The following PRUNE2 variants were observed in gnomAD, a reference collection of about 807,000 sequenced individuals.
PRUNE2 encodes the protein protein prune homolog 2.
Under a neutral mutation model 252.0 loss-of-function variants are expected in PRUNE2, and 164 were observed. That is an observed-to-expected ratio of 0.65 (90% CI 0.57 to 0.74). The LOEUF is 0.74. Among genes scored for constraint, PRUNE2 ranks in the 30% least tolerant of loss-of-function variants. The probability of loss-of-function intolerance (pLI) is 0.00; values close to 1 mark genes in which losing one functional copy is unlikely to be tolerated. For missense variants in PRUNE2, 3,495 were observed against 3,711.0 expected (o/e 0.94, Z 1.51); for synonymous variants, 1,292 against 1,350.2 (o/e 0.96, Z 0.94).
In PRUNE2 at chr9:76,622,126, A is replaced by T. The variant is rs1176497108; in HGVS notation, c.9188+2326T>A. ...TTTGAGAACCCACTGCTCAACAGCA[A>T]TGAACTGAATGTTATGCAAATTCAT... On this transcript the variant is annotated intron_variant, in intron 17 of 18. Coordinates refer to ENST00000376718, the MANE Select transcript of PRUNE2 (RefSeq NM_015225.3). 5.3e-5 allele frequency among the ~76,000 whole-genome samples: 8 copies of T among 152,346 alleles called. No individual in the cohort carries two copies. The East Asian group carries it at 1.4e-3, about 26-fold the overall frequency.
chr9:76,696,648 A>T (rs1410433900), intron 9 of PRUNE2, among the ~76,000 whole-genome samples: 1 of 151,678 alleles, frequency 6.6e-6, no homozygotes, highest in Non-Finnish European at 1.5e-5. Flanking sequence ...ATGGTCTCAA[A>T]CTCCTGACCT....
chr9:76,812,229 A>G (rs1032637652), intron 6 of PRUNE2, among the ~76,000 whole-genome samples: 1 of 152,234 alleles, frequency 6.6e-6, no homozygotes, highest in African/African-American at 2.4e-5. Context: ...AGTCCCCAGC[A>G]TGCATGATGA....
chr9:76,788,653 T>C (rs1203983711), intron 6 of PRUNE2: 4 of 605,192 alleles, frequency 6.6e-6, no homozygotes, highest in Non-Finnish European at 8.9e-6. Context: ...TTCATTATCA[T>C]CACTATTCCA....
intron 4 of PRUNE2, among the ~76,000 whole-genome samples, chr9:76,828,140 A>T (rs1380036951): frequency 6.6e-6 from 1 of 152,244 alleles, no homozygotes; most frequent in Non-Finnish European, 1.5e-5. Flanking sequence ...AATCTAGGCC[A>T]AAATCTAGGG....
intron 11 of PRUNE2, among the ~76,000 whole-genome samples, chr9:76,649,601 A>G (rs1366553544): frequency 3.2e-5 from 3 of 94,282 alleles, no homozygotes; most frequent in Admixed American, 1.1e-4. Context: ...ATAGATAGAT[A>G]GATAGATAGA....
intron 6 of PRUNE2, among the ~76,000 whole-genome samples, chr9:76,777,593 G>T (rs1370877079): frequency 6.6e-6 from 1 of 152,146 alleles, no homozygotes; most frequent in Non-Finnish European, 1.5e-5. Context: ...CATTCTTGGG[G>T]ATACAGTATT....
chr9:76,855,433 AT>A (rs145976052), intron 1 of PRUNE2, among the ~76,000 whole-genome samples: 4,744 of 151,738 alleles, frequency 0.031, 239 homozygotes, highest in African/African-American at 0.11. Context: ...GACTATTTTA[AT>A]TAAAAAAAAA....
chr9:76,780,415 C>T (rs772284592), intron 6 of PRUNE2, among the ~76,000 whole-genome samples: 4 of 152,104 alleles, frequency 2.6e-5, no homozygotes, highest in Middle Eastern at 3.2e-3. Context: ...CGGCCAGGCA[C>T]GATGGCTCAC....
chr9:76,831,221 A>G (rs953077113), intron 4 of PRUNE2, among the ~76,000 whole-genome samples: 26 of 152,010 alleles, frequency 1.7e-4, no homozygotes, highest in Admixed American at 2.6e-4. Flanking sequence ...GAGCCACCGC[A>G]CCCAGCCAAC....
At chr9:76,857,391 A>C (rs1488298530) in intron 1 of PRUNE2, among the ~76,000 whole-genome samples, 2 of 152,102 alleles carry the variant, frequency 1.3e-5, no homozygotes, top group African/African-American at 4.8e-5. Flanking sequence ...CCATAATCCA[A>C]AAAGATGACT....
chr9:76,904,229 C>T (rs1041502592), intron 1 of PRUNE2, among the ~76,000 whole-genome samples: 3 of 151,848 alleles, frequency 2.0e-5, no homozygotes, highest in Admixed American at 6.6e-5. Flanking sequence ...CTTCTCTTTC[C>T]TGTCCTTTTT....
chr9:76,838,908 C>A (rs528506402), intron 4 of PRUNE2, among the ~76,000 whole-genome samples: 6 of 152,214 alleles, frequency 3.9e-5, no homozygotes, highest in Admixed American at 6.5e-5. Flanking sequence ...CTTTTATACA[C>A]ATGTTTTGCA....
intron 1 of PRUNE2, among the ~76,000 whole-genome samples, chr9:76,856,084 A>G (rs1218948266): frequency 6.6e-6 from 1 of 152,244 alleles, no homozygotes; most frequent in African/African-American, 2.4e-5. Flanking sequence ...CTAAGTAGAC[A>G]TTACCTCATT....
At chr9:76,790,313 T>C (rs1329897261) in intron 6 of PRUNE2, among the ~76,000 whole-genome samples, 3 of 152,204 alleles carry the variant, frequency 2.0e-5, no homozygotes, top group Admixed American at 6.5e-5. Flanking sequence ...AATTAATCAA[T>C]AGATTATTTA....
intron 6 of PRUNE2, 161 bp downstream of exon 6, chr9:76,823,471 T>C: frequency 1.6e-6 from 1 of 628,704 alleles, no homozygotes; most frequent in Non-Finnish European, 2.9e-6. Context: ...AGCATAGTGT[T>C]TTCACCCAAA....
At chr9:76,784,994 A>G (rs183226951) in intron 6 of PRUNE2, 1 of 152,308 alleles carries the variant, frequency 6.6e-6, no homozygotes, top group African/African-American at 2.4e-5. Context: ...TCCAGTGCAA[A>G]GATGACTAAG....
In PRUNE2 at chr9:76,823,623, C is replaced by A. The variant is rs1183069421; in HGVS notation, c.756+9G>T. The A allele has an allele frequency of 6.5e-6, 10 of 1,543,382 alleles. No individual in the cohort carries two copies. The highest frequency in any genetic ancestry group is 8.1e-6 in the Non-Finnish European group (9 of 1,115,682). ...TCAATCAATGCTAAAAAAGCATTCC[C>A]ACCCTTACCTCAAGGTTCATGCTCA... On this transcript the variant is annotated intron_variant, in intron 6 of 18. Coordinates refer to ENST00000376718, the MANE Select transcript of PRUNE2 (RefSeq NM_015225.3).
intron 7 of PRUNE2, among the ~76,000 whole-genome samples, chr9:76,712,797 G>C (rs1169312057): frequency 6.6e-6 from 1 of 152,142 alleles, no homozygotes; most frequent in African/African-American, 2.4e-5. Flanking sequence ...TCGGACTTGA[G>C]AGAGCCCGAG....
At chr9:76,715,136 AG>A (rs1243934136) in intron 6 of PRUNE2, among the ~76,000 whole-genome samples, 1 of 152,260 alleles carries the variant, frequency 6.6e-6, no homozygotes, top group Non-Finnish European at 1.5e-5. Flanking sequence ...CACATCTCCT[AG>A]GACAGCCACT....
Sources: gnomAD v4.1 joint callset for allele counts (sites outside exome capture counted in the v4.1 genomes callset) on GRCh38, gnomAD v4.1.1 for gene constraint, MANE v1.5 for transcripts, NCBI Gene and HGNC (gene_info 2026-07-23, HGNC 2026-07-21) for gene names.